Variants in ABHD2 observed in about 807,000 individuals in gnomAD.
ABHD2 encodes the protein abhydrolase domain containing 2, acylglycerol lipase, also known as monoacylglycerol lipase ABHD2.
In ABHD2, 20 loss-of-function variants were observed where a neutral mutation model predicts 48.1. That is an observed-to-expected ratio of 0.42 (90% CI 0.29 to 0.60). The LOEUF is 0.60. ABHD2 is among the 20% of genes least tolerant of loss of function. The pLI is 0.24. For missense variants in ABHD2, 405 were observed against 550.9 expected, an observed-to-expected ratio of 0.74 and a Z score of 2.65; for synonymous variants, 209 against 214.2, an observed-to-expected ratio of 0.98 and a Z score of 0.21.
intron 5 of ABHD2, among the ~76,000 whole-genome samples, chr15:89,160,043 A>T (rs766730988): frequency 3.9e-5 from 6 of 152,250 alleles, no homozygotes; most frequent in Non-Finnish European, 7.3e-5. Flanking sequence ...TAAAAATTAA[A>T]ACATCTTTCG....
In ABHD2 at chr15:89,200,190, G is replaced by A. The variant is rs1278131582; in HGVS notation, c.*4767G>A. On this transcript the variant is annotated 3_prime_UTR_variant, in exon 11 of 11. Coordinates refer to ENST00000352732, the MANE Select transcript of ABHD2 (RefSeq NM_152924.5). ...CCAATTTAAAACTTTTAATTAAAAAGTAAATTTTAATGTCGAAAATGCAAA... is the reference window on the plus strand; with the variant it reads ...CCAATTTAAAACTTTTAATTAAAAAATAAATTTTAATGTCGAAAATGCAAA... 6.6e-6 allele frequency: 1 copy of A among 152,108 alleles called. No homozygotes were observed. The highest frequency in any genetic ancestry group is 1.5e-5 in the Non-Finnish European group (1 of 68,040). The allele number at this position is 152,108 out of a possible 1,614,324, so 9.4% of individuals were successfully genotyped here. A position where few individuals can be genotyped will look rare whatever the true frequency, so the allele number is the denominator to read the frequency against.
At chr15:89,058,128 C>G in the ABHD2 span, among the ~76,000 whole-genome samples, 2 of 152,160 alleles carry the variant, frequency 1.3e-5, no homozygotes, top group African/African-American at 4.8e-5. Flanking sequence ...AGGTAGATAC[C>G]TTCATAACCA....
chr15:89,053,956 C>G, the ABHD2 span, among the ~76,000 whole-genome samples: 1 of 152,190 alleles, frequency 6.6e-6, no homozygotes, highest in Non-Finnish European at 1.5e-5. Context: ...CTGAGCTGGT[C>G]TCTTCTCCCT....
chr15:89,079,558 G>A, the ABHD2 span, among the ~76,000 whole-genome samples: 1 of 152,122 alleles, frequency 6.6e-6, no homozygotes, highest in Non-Finnish European at 1.5e-5. The surrounding 1 kb of genome is among the most constrained non-coding windows in gnomAD (Gnocchi z 4.3). Flanking sequence ...TGGTTTCCAT[G>A]ACTTCTGAAT....
chr15:89,170,684 C>T (rs2050911078), intron 5 of ABHD2, among the ~76,000 whole-genome samples: 2 of 152,180 alleles, frequency 1.3e-5, no homozygotes, highest in Admixed American at 1.3e-4. Flanking sequence ...GGCCTGTTAC[C>T]CACACTTCTT....
At position 89,186,417 on chromosome 15, in the gene ABHD2, C is replaced by T. The variant is rs1459177030; in HGVS notation, c.815+901C>T. ...TTATTGCTGACATCTCTGCCTCCTCCTCTACGCCTCTCATTCCCTCTAGCT... is the reference window on the plus strand; with the variant it reads ...TTATTGCTGACATCTCTGCCTCCTCTTCTACGCCTCTCATTCCCTCTAGCT... On this transcript the variant is annotated intron_variant, in intron 7 of 10. Coordinates refer to ENST00000352732, the MANE Select transcript of ABHD2 (RefSeq NM_152924.5). This position sits in a 1 kb window ranked among gnomAD's most constrained non-coding sequence, Gnocchi z 4.3. 1.3e-5 allele frequency among the ~76,000 whole-genome samples: 2 copies of T among 152,168 alleles called. No individual in the cohort carries two copies. Among genetic ancestry groups the T allele is most frequent in the African/African-American group, 4.8e-5 (2 of 41,428 alleles).
At chr15:89,149,954 C>A (rs2050564649) in intron 3 of ABHD2, among the ~76,000 whole-genome samples, 2 of 152,056 alleles carry the variant, frequency 1.3e-5, no homozygotes, top group African/African-American at 4.8e-5. Context: ...GCTTGGAGGC[C>A]GCTTGGGGGG....
rs1329050066 is a variant in ABHD2 at position 89,120,437 on chromosome 15, G to GA, written c.194+3920dup. On this transcript the variant is annotated intron_variant, in intron 3 of 10. Coordinates refer to ENST00000352732, the MANE Select transcript of ABHD2 (RefSeq NM_152924.5). This position sits in a 1 kb window ranked among gnomAD's most constrained non-coding sequence, Gnocchi z 4.2. ...TGATGCATATTCATTTTTTTAAATG[G>GA]AAAAGGTAGAGCACACAAAAATTAT... Among the ~76,000 whole-genome samples, 15 of 151,936 alleles carry GA rather than the reference G, an allele frequency of 9.9e-5. No homozygotes were observed. The highest frequency in any genetic ancestry group is 3.6e-4 in the African/African-American group (15 of 41,440).
At chr15:89,170,054 A>T (rs1165269602) in intron 5 of ABHD2, among the ~76,000 whole-genome samples, 1 of 135,194 alleles carries the variant, frequency 7.4e-6, no homozygotes. Flanking sequence ...AAGATGGCTC[A>T]GAGCCATTCC....
chr15:89,093,059 T>C (rs16942696), intron 1 of ABHD2, among the ~76,000 whole-genome samples: 7,772 of 152,166 alleles, frequency 0.051, 672 homozygotes, highest in African/African-American at 0.18. Context: ...TTCTTCGCCT[T>C]GCCGTCTGTG....
In ABHD2 at chr15:89,151,760, A is replaced by G; in HGVS notation, c.278A>G (p.His93Arg). 1 of 1,614,210 alleles carries G rather than the reference A, an allele frequency of 6.2e-7. No homozygotes were observed. Among genetic ancestry groups the G allele is most frequent in the Non-Finnish European group, 8.5e-7 (1 of 1,180,030 alleles). ...YGKMGRVRSP[H>R]PYGHRKFITM... is the part of the protein sequence containing the mutation. ...AAGATGGGAAGGGTGAGGTCGCCAC[A>G]TCCTTATGGGCACCGGAAGTTCATC... Residue 93 changes from histidine (H) to arginine (R), a missense_variant, in exon 4 of 11, where the codon CAT becomes CGT. Coordinates refer to ENST00000352732, the MANE Select transcript of ABHD2 (RefSeq NM_152924.5). The surrounding 1 kb of genome is among the most constrained non-coding windows in gnomAD (Gnocchi z 4.7).
chr15:89,068,007 A>G, the ABHD2 span, among the ~76,000 whole-genome samples: 1 of 152,156 alleles, frequency 6.6e-6, no homozygotes, highest in East Asian at 1.9e-4. Flanking sequence ...CTTCTTTACC[A>G]TAGAAGAAGG....
rs995608407 is a variant in ABHD2, at chr15:89,188,035, G to A, written c.816-158G>A. Among the ~76,000 whole-genome samples, 2 of 152,210 alleles carry A rather than the reference G, an allele frequency of 1.3e-5. No homozygotes were observed. The highest frequency in any genetic ancestry group is 2.1e-4 in the South Asian group (1 of 4,836). ...GAAATAAGGTTTTGACATTAACAGC[G>A]CCAGCTCATCCTCTGGGACATTCCA... On this transcript the variant is annotated intron_variant, in intron 7 of 10. Coordinates refer to ENST00000352732, the MANE Select transcript of ABHD2 (RefSeq NM_152924.5). This position sits in a 1 kb window ranked among gnomAD's most constrained non-coding sequence, Gnocchi z 4.1.
the ABHD2 span, among the ~76,000 whole-genome samples, chr15:89,058,438 A>G: frequency 6.6e-6 from 1 of 152,162 alleles, no homozygotes; most frequent in Non-Finnish European, 1.5e-5. Flanking sequence ...GCAGGCACAG[A>G]AGAGGGCTTG....
rs558044558 is a variant in ABHD2 at position 89,136,556 on chromosome 15, G to GT, written c.195-15121_195-15120insT. The stretch of plus-strand genomic sequence containing the variant: ...CCCAGTGCCCATCTGGCTCTCACTT[G>GT]CCCCAGTGCTATCTCTATGGAGCTC... On this transcript the variant is annotated intron_variant, in intron 3 of 10. Transcript: ENST00000352732. 461 of 293,500 alleles carry GT rather than the reference G, an allele frequency of 1.6e-3. 4 individuals are homozygous for GT. Among genetic ancestry groups the GT allele is most frequent in the Non-Finnish European group, 8.1e-4 (117 of 144,434 alleles). The allele number at this position is 293,500 out of a possible 1,614,324, so 18.2% of individuals were successfully genotyped here.
At chr15:89,181,228 C>CAAA (rs61411388) in intron 6 of ABHD2, among the ~76,000 whole-genome samples, 2,457 of 69,026 alleles carry the variant, frequency 0.036, 600 homozygotes, top group African/African-American at 0.13. Flanking sequence ...GACTCTGTCT[C>CAAA]AAAAAAAAAA....
chr15:89,068,754 CTTTTTTTTTTTTTTTTT>C, the ABHD2 span, among the ~76,000 whole-genome samples: 1 of 71,354 alleles, frequency 1.4e-5, no homozygotes, highest in Non-Finnish European at 2.4e-5. Context: ...CAAGCTTCCT[CTTTTTTTTTTTTTTTTT>C]TTTTTTTTTT....
chr15:89,051,180 C>T, the ABHD2 span, among the ~76,000 whole-genome samples: 5 of 152,132 alleles, frequency 3.3e-5, no homozygotes, highest in Non-Finnish European at 7.4e-5. Flanking sequence ...TTGCAGTGAG[C>T]CAAGATCATG....
chr15:89,084,614 A>C (rs1901325977), upstream of ABHD2, among the ~76,000 whole-genome samples: 1 of 152,228 alleles, frequency 6.6e-6, no homozygotes, highest in Non-Finnish European at 1.5e-5. This position sits in a 1 kb window ranked among gnomAD's most constrained non-coding sequence, Gnocchi z 4.4. Context: ...ACTGCTTTAA[A>C]AAATAAAGTC....
Sources: gnomAD v4.1 joint callset for allele counts (sites outside exome capture counted in the v4.1 genomes callset) on GRCh38, gnomAD v4.1.1 for gene constraint, Gnocchi (gnomAD v3.1) non-coding constraint, MANE v1.5 for transcripts, NCBI Gene and HGNC (gene_info 2026-07-23, HGNC 2026-07-21) for gene names.